The following INPP5A variants were observed in gnomAD, a reference collection of about 807,000 sequenced individuals.
The protein encoded by INPP5A is inositol polyphosphate-5-phosphatase A, also known as 43 kDa inositol polyphosphate 5-phophatase.
A neutral mutation model predicts 65.2 loss-of-function variants in INPP5A; 14 were observed. That is an observed-to-expected ratio of 0.21 (90% CI 0.14 to 0.34). The LOEUF (loss-of-function observed/expected upper bound fraction) is 0.34, where lower values mean the gene tolerates loss of function less well. INPP5A is among the 10% of genes least tolerant of loss of function. The pLI, the probability that INPP5A is intolerant of heterozygous loss-of-function variation, is 1.00. For missense variants in INPP5A, 431 were observed against 545.6 expected (o/e 0.79, Z 2.09); for synonymous variants, 207 against 208.3 (o/e 0.99, Z 0.05).
At chr10:132,760,394 C>T (rs1440302814) in intron 11 of INPP5A, among the ~76,000 whole-genome samples, 1 of 152,254 alleles carries the variant, frequency 6.6e-6, no homozygotes, top group Non-Finnish European at 1.5e-5. Context: ...TCCAGAGCTC[C>T]CTGAGTGCTC....
At chr10:132,621,049 C>T (rs965513480) in intron 2 of INPP5A, among the ~76,000 whole-genome samples, 1 of 152,170 alleles carries the variant, frequency 6.6e-6, no homozygotes, top group Non-Finnish European at 1.5e-5. Flanking sequence ...ATGCAGAAAA[C>T]GCATTTGACA....
intron 4 of INPP5A, among the ~76,000 whole-genome samples, chr10:132,664,332 C>T (rs1005829313): frequency 2.0e-5 from 3 of 152,186 alleles, no homozygotes; most frequent in Admixed American, 6.5e-5. Context: ...CTCCAAAGCC[C>T]GTCCAGGTTT....
chr10:132,696,823 G>T (rs1845351915), intron 5 of INPP5A, among the ~76,000 whole-genome samples: 1 of 151,880 alleles, frequency 6.6e-6, no homozygotes, highest in Non-Finnish European at 1.5e-5. Context: ...CAGCACCCAG[G>T]GCCGGGCCAC....
Position 132,780,834 on chromosome 10 carries a change from G to T in INPP5A, c.1090-15G>T, listed in dbSNP as rs1406945042. On this transcript the variant is annotated splice_polypyrimidine_tract_variant and intron_variant, in intron 13 of 15. Coordinates refer to ENST00000368594, the MANE Select transcript of INPP5A (RefSeq NM_005539.5). The stretch of plus-strand genomic sequence containing the variant: ...CCCACCTCCCCACACTCACCTGTCT[G>T]TTTCCCCTTTCCAGTCGGAGAGCGA... 1.2e-6 allele frequency: 2 copies of T among 1,612,600 alleles called. No individual in the cohort carries two copies. Among genetic ancestry groups the T allele is most frequent in the Non-Finnish European group, 8.5e-7 (1 of 1,179,224 alleles).
chr10:132,776,590 C>T (rs1361159169), intron 12 of INPP5A, among the ~76,000 whole-genome samples: 1 of 152,300 alleles, frequency 6.6e-6, no homozygotes, highest in African/African-American at 2.4e-5. Context: ...GTGAAGGCCC[C>T]AGAGATGTTG....
At chr10:132,611,903 A>G (rs1226476026) in intron 2 of INPP5A, among the ~76,000 whole-genome samples, 2 of 95,274 alleles carry the variant, frequency 2.1e-5, no homozygotes, top group African/African-American at 4.2e-5. Context: ...CCATCAGAGG[A>G]GGGTGTGGGA....
intron 8 of INPP5A, among the ~76,000 whole-genome samples, chr10:132,719,420 G>A (rs867982302): frequency 2.4e-3 from 314 of 133,446 alleles, no homozygotes; most frequent in African/African-American, 8.3e-3. Flanking sequence ...CACCTTAGAC[G>A]GCTGTCTTCA....
chr10:132,755,415 G>A (rs541170541), intron 11 of INPP5A, among the ~76,000 whole-genome samples: 1 of 150,678 alleles, frequency 6.6e-6, no homozygotes, highest in African/African-American at 2.4e-5. Flanking sequence ...TGTGTGAGCA[G>A]GCATATGCAT....
chr10:132,602,821 A>C (rs1222599985), intron 1 of INPP5A, among the ~76,000 whole-genome samples: 1 of 152,116 alleles, frequency 6.6e-6, no homozygotes, highest in East Asian at 1.9e-4. Context: ...TCTGTCATCC[A>C]CTATTGAGTG....
intron 1 of INPP5A, among the ~76,000 whole-genome samples, chr10:132,558,391 C>A (rs2071156860): frequency 6.6e-6 from 1 of 152,226 alleles, no homozygotes; most frequent in Admixed American, 6.5e-5. Flanking sequence ...GACATCCAGT[C>A]CCCCTCCTCA....
chr10:132,554,962 G>A (rs553411318), intron 1 of INPP5A, among the ~76,000 whole-genome samples: 68 of 149,108 alleles, frequency 4.6e-4, no homozygotes, highest in South Asian at 1.9e-3. Context: ...TGGTCCATGT[G>A]GGTGGCATGA....
chr10:132,676,669 C>T lies in INPP5A; in HGVS notation c.307-13723C>T, dbSNP rs147834036. ...CCTGATGAGATGGCAGCCCTGGGCA[C>T]CTGTGGCTGCTCCCTCCTCCTGACT... On this transcript the variant is annotated intron_variant, in intron 4 of 15. Coordinates refer to ENST00000368594, the MANE Select transcript of INPP5A (RefSeq NM_005539.5). The surrounding 1 kb of genome is among the most constrained non-coding windows in gnomAD (Gnocchi z 4.0). Among the ~76,000 whole-genome samples the T allele has an allele frequency of 3.9e-4, 60 of 152,274 alleles. No individual in the cohort carries two copies. The highest frequency in any genetic ancestry group is 1.4e-3 in the African/African-American group (58 of 41,556).
chr10:132,594,302 C>G (rs369005957), intron 1 of INPP5A, among the ~76,000 whole-genome samples: 3 of 152,198 alleles, frequency 2.0e-5, no homozygotes, highest in African/African-American at 7.2e-5. Flanking sequence ...AAAAACTGTT[C>G]AGTCACCAGT....
intron 9 of INPP5A, among the ~76,000 whole-genome samples, chr10:132,728,665 G>A (rs115862377): frequency 6.6e-6 from 1 of 152,336 alleles, no homozygotes; most frequent in East Asian, 1.9e-4. Context: ...AGAAGAACCC[G>A]CGAAAGACCA....
intron 2 of INPP5A, among the ~76,000 whole-genome samples, chr10:132,621,703 C>A (rs2072112465): frequency 6.6e-6 from 1 of 151,806 alleles, no homozygotes; most frequent in Non-Finnish European, 1.5e-5. Flanking sequence ...CCCAGAGGAG[C>A]CTCAGAGGGA....
At chr10:132,596,925 GCATGTGCA>G (rs1564928963) in intron 1 of INPP5A, among the ~76,000 whole-genome samples, 12 of 33,960 alleles carry the variant, frequency 3.5e-4, no homozygotes, top group East Asian at 2.1e-3. Context: ...ATGTGTGCGC[GCATGTGCA>G]CGCATGTGTG....
At chr10:132,602,981 A>G (rs934309091) in intron 1 of INPP5A, among the ~76,000 whole-genome samples, 1 of 152,182 alleles carries the variant, frequency 6.6e-6, no homozygotes, top group Non-Finnish European at 1.5e-5. Context: ...TCTTATGTTC[A>G]TATCTTCTGA....
chr10:132,734,197 C>T (rs969371055), intron 9 of INPP5A, among the ~76,000 whole-genome samples: 8 of 152,156 alleles, frequency 5.3e-5, no homozygotes, highest in Admixed American at 1.3e-4. Context: ...TCTCGTGTGA[C>T]GCAGAAGCAT....
At position 132,705,153 on chromosome 10, in the gene INPP5A, C is replaced by T. The variant is rs1480504947; in HGVS notation, c.475-3160C>T. Among the ~76,000 whole-genome samples, 1 of 152,206 alleles carries T rather than the reference C, an allele frequency of 6.6e-6. No individual in the cohort carries two copies. The highest frequency in any genetic ancestry group is 6.5e-5 in the Admixed American group (1 of 15,290). ...TGGGGCATCAGCAGCACCCACTTCT[C>T]CCCACAGCTCAGCTTCCCACTGATG... On this transcript the variant is annotated intron_variant, in intron 6 of 15. Coordinates refer to ENST00000368594, the MANE Select transcript of INPP5A (RefSeq NM_005539.5). This position sits in a 1 kb window ranked among gnomAD's most constrained non-coding sequence, Gnocchi z 4.9.
Sources: gnomAD v4.1 joint callset for allele counts (sites outside exome capture counted in the v4.1 genomes callset) on GRCh38, gnomAD v4.1.1 for gene constraint, Gnocchi (gnomAD v3.1) non-coding constraint, MANE v1.5 for transcripts, NCBI Gene and HGNC (gene_info 2026-07-23, HGNC 2026-07-21) for gene names.